The following ADGRL2 variants were observed in gnomAD, a reference collection of about 807,000 sequenced individuals.
The protein encoded by ADGRL2 is adhesion G protein-coupled receptor L2.
Under a neutral mutation model 157.4 loss-of-function variants are expected in ADGRL2, and 44 were observed. That is an observed-to-expected ratio of 0.28 (90% CI 0.22 to 0.36). The LOEUF is 0.36. Ranked by LOEUF, ADGRL2 falls within the 10% of genes least tolerant of loss-of-function variation. The probability of loss-of-function intolerance (pLI) is 1.00; values close to 1 mark genes in which losing one functional copy is unlikely to be tolerated. For missense variants in ADGRL2, 1,510 were observed against 1,768.9 expected (o/e 0.85, Z 2.63); for synonymous variants, 585 against 624.7 (o/e 0.94, Z 0.95).
intron 1 of ADGRL2, chr1:81,427,391 G>A (rs1394670537): frequency 1.4e-6 from 1 of 736,656 alleles, no homozygotes; most frequent in Non-Finnish European, 2.5e-6. Flanking sequence ...TGGTAGATAT[G>A]GTGGTGGTGG....
chr1:81,858,598 T>C (rs1287337115), intron 2 of ADGRL2, among the ~76,000 whole-genome samples: 1 of 152,198 alleles, frequency 6.6e-6, no homozygotes, highest in Admixed American at 6.5e-5. Flanking sequence ...CCTCTTTAGA[T>C]GTTCAGCTTC....
At chr1:81,521,870 A>T (rs2079324029) in intron 2 of ADGRL2, among the ~76,000 whole-genome samples, 1 of 152,036 alleles carries the variant, frequency 6.6e-6, no homozygotes, top group African/African-American at 2.4e-5. Context: ...GTGTGTATTA[A>T]CCTCTGTCTG....
intron 3 of ADGRL2, among the ~76,000 whole-genome samples, chr1:81,615,847 C>T (rs1457511706): frequency 6.6e-6 from 1 of 152,168 alleles, no homozygotes; most frequent in Non-Finnish European, 1.5e-5. Flanking sequence ...AAGAAGCGAT[C>T]CAGTGCTTAC....
At chr1:81,416,634 T>G (rs1419035943) in intron 1 of ADGRL2, among the ~76,000 whole-genome samples, 1 of 152,242 alleles carries the variant, frequency 6.6e-6, no homozygotes, top group Non-Finnish European at 1.5e-5. Flanking sequence ...AAAATTCCAT[T>G]TATTCATTCA....
chr1:81,865,506 C>A (rs1195310696), intron 2 of ADGRL2, among the ~76,000 whole-genome samples: 1 of 152,114 alleles, frequency 6.6e-6, no homozygotes, highest in East Asian at 1.9e-4. Context: ...AGGAGCCTAC[C>A]TATTCTAGAA....
chr1:81,840,121 T>C (rs17107301), intron 2 of ADGRL2, among the ~76,000 whole-genome samples: 21,239 of 151,564 alleles, frequency 0.14, 1,652 homozygotes, highest in East Asian at 0.19. Flanking sequence ...CCTTAAATAC[T>C]TGTTGGTGCC....
chr1:81,422,915 G>A (rs1490246777), intron 1 of ADGRL2, among the ~76,000 whole-genome samples: 2 of 152,164 alleles, frequency 1.3e-5, no homozygotes, highest in Non-Finnish European at 2.9e-5. Flanking sequence ...GCTGTGTTGT[G>A]TTTCGTGTTT....
At chr1:81,691,884 A>G (rs2083344610) in intron 3 of ADGRL2, among the ~76,000 whole-genome samples, 1 of 147,388 alleles carries the variant, frequency 6.8e-6, no homozygotes, top group Admixed American at 7.0e-5. Context: ...GTGTGTGTAT[A>G]TATATATATA....
intron 1 of ADGRL2, among the ~76,000 whole-genome samples, chr1:81,828,990 C>T (rs2150047046): frequency 6.6e-6 from 1 of 152,038 alleles, no homozygotes; most frequent in African/African-American, 2.4e-5. Context: ...TGGCTCACTG[C>T]AACCTCCTCC....
chr1:81,825,534 G>A lies in ADGRL2; in HGVS notation c.-100-11351G>A, dbSNP rs375397270. Among the ~76,000 whole-genome samples the A allele has an allele frequency of 1.3e-3, 198 of 151,558 alleles. 8 individuals carry two copies. In the South Asian group the frequency reaches 0.038, roughly 29 times the overall value. On this transcript the variant is annotated intron_variant, in intron 1 of 23. Transcript: ENST00000686636. Reference sequence around the variant, plus strand: ...TAATTTTTTGTATTTTAGTAGAGACGGGATTTCACCATCTTGGCCAAGATG... The same window carrying A: ...TAATTTTTTGTATTTTAGTAGAGACAGGATTTCACCATCTTGGCCAAGATG...
chr1:81,393,043 A>G (rs2076587020), intron 1 of ADGRL2, among the ~76,000 whole-genome samples: 1 of 152,088 alleles, frequency 6.6e-6, no homozygotes, highest in South Asian at 2.1e-4. Context: ...TGTAAATTTC[A>G]ACATTGTTGA....
At chr1:81,415,038 A>G (rs1161630534) in intron 1 of ADGRL2, among the ~76,000 whole-genome samples, 1 of 152,236 alleles carries the variant, frequency 6.6e-6, no homozygotes, top group Non-Finnish European at 1.5e-5. Flanking sequence ...GTGTAAAGAA[A>G]GGCCACCTTT....
At chr1:81,763,437 T>C (rs1229056985) in intron 2 of ADGRL2, among the ~76,000 whole-genome samples, 1 of 151,328 alleles carries the variant, frequency 6.6e-6, no homozygotes, top group East Asian at 2.0e-4. Context: ...ATATAAAAAT[T>C]AGCTAGCTGG....
At chr1:81,622,797 A>G (rs931342074) in intron 3 of ADGRL2, among the ~76,000 whole-genome samples, 1 of 152,118 alleles carries the variant, frequency 6.6e-6, no homozygotes, top group Non-Finnish European at 1.5e-5. Context: ...TTAGCAACAT[A>G]TCCTGCATGT....
chr1:81,831,728 A>T (rs1362619555), intron 1 of ADGRL2, among the ~76,000 whole-genome samples: 1 of 152,120 alleles, frequency 6.6e-6, no homozygotes, highest in Non-Finnish European at 1.5e-5. Flanking sequence ...AGGCAGTTAC[A>T]GGTTTTTACT....
At chr1:81,898,187 T>C (rs377754321) in intron 2 of ADGRL2, among the ~76,000 whole-genome samples, 1 of 152,068 alleles carries the variant, frequency 6.6e-6, no homozygotes, top group Non-Finnish European at 1.5e-5. Context: ...TTGGACTGAG[T>C]TGATGATTGT....
At chr1:81,746,622 T>C (rs989077628) in intron 1 of ADGRL2, among the ~76,000 whole-genome samples, 1 of 152,160 alleles carries the variant, frequency 6.6e-6, no homozygotes, top group African/African-American at 2.4e-5. Flanking sequence ...GTTTAATCTA[T>C]ATTTTATAAA....
At chr1:81,696,609 G>A (rs1352568784), upstream of ADGRL2, among the ~76,000 whole-genome samples, 6 of 152,032 alleles carry the variant, frequency 3.9e-5, no homozygotes, top group Admixed American at 6.6e-5. Flanking sequence ...AAAATTAGCC[G>A]GGTGTGGTGG....
chr1:81,883,104 C>T (rs934075409), intron 2 of ADGRL2, among the ~76,000 whole-genome samples: 2 of 152,130 alleles, frequency 1.3e-5, no homozygotes, highest in Non-Finnish European at 2.9e-5. Flanking sequence ...ATATAATTAA[C>T]TTCCCCAGTT....
Sources: gnomAD v4.1 joint callset for allele counts (sites outside exome capture counted in the v4.1 genomes callset) on GRCh38, gnomAD v4.1.1 for gene constraint, MANE v1.5 for transcripts, NCBI Gene and HGNC (gene_info 2026-07-23, HGNC 2026-07-21) for gene names.